Variants in NISCH observed in about 807,000 individuals in gnomAD.
NISCH encodes I-1 receptor candidate protein.
NISCH carries 55 observed loss-of-function variants against 138.4 expected under a neutral mutation model. The ratio of observed to expected loss-of-function variants is 0.40; its 90% CI spans 0.32 to 0.50. NISCH has a LOEUF of 0.50. NISCH is among the 20% of genes least tolerant of loss of function. The pLI is 0.71. For synonymous variants in NISCH, 860 were observed against 861.5 expected (o/e 1.00, Z 0.03); for missense variants, 1,643 against 2,005.5 (o/e 0.82, Z 3.45).
At chr3:52,477,970 T>A in intron 9 of NISCH, 127 bp from the exon 10 acceptor site, 1 of 972,396 alleles carries the variant, frequency 1.0e-6, no homozygotes, top group South Asian at 1.5e-5. Flanking sequence ...CTTCCTAAAA[T>A]AACTGTCAGA....
chr3:52,481,245 A>C, intron 13 of NISCH: 2 of 1,088,588 alleles, frequency 1.8e-6, no homozygotes, highest in Non-Finnish European at 2.2e-6. Flanking sequence ...GTGGTGCAGA[A>C]TGCTCAGCAG....
At chr3:52,471,782 G>C in intron 4 of NISCH, 32 bp from the exon 5 acceptor site, 1 of 1,613,310 alleles carries the variant, frequency 6.2e-7, no homozygotes, top group Non-Finnish European at 8.5e-7. Context: ...GCTGCGGCTG[G>C]ACACTTATCC....
rs376434708 is a variant in NISCH, at chr3:52,472,291, C to T, written c.574-12C>T. Reference sequence around the variant, plus strand: ...ACACTGTTCCCAATTTAAGCCTTATCTTTGGCTTCAGGTTTCTGGCACAGA... The same window carrying T: ...ACACTGTTCCCAATTTAAGCCTTATTTTTGGCTTCAGGTTTCTGGCACAGA... On this transcript the variant is annotated splice_polypyrimidine_tract_variant and intron_variant, in intron 5 of 20. Coordinates refer to ENST00000345716, the MANE Select transcript of NISCH (RefSeq NM_007184.4). 5 of 1,613,304 alleles carry T rather than the reference C, an allele frequency of 3.1e-6. No individual in the cohort carries two copies. The highest frequency in any genetic ancestry group is 4.2e-6 in the Non-Finnish European group (5 of 1,179,338).
At chr3:52,471,615 T>G in intron 4 of NISCH, 199 bp from the exon 5 acceptor site, 1 of 608,016 alleles carries the variant, frequency 1.6e-6, no homozygotes, top group South Asian at 2.0e-5. Context: ...TGCCCTCCTC[T>G]GTCATCACAT....
At position 52,479,757 on chromosome 3, in the gene NISCH, G is replaced by T; in HGVS notation, c.1311G>T (p.Leu437=). 2 of 1,612,412 alleles carry T rather than the reference G, an allele frequency of 1.2e-6. No homozygotes were observed. The highest frequency in any genetic ancestry group is 1.7e-6 in the Non-Finnish European group (2 of 1,179,146). Residue 437 remains leucine, a synonymous_variant, in exon 12 of 21, where the codon CTG becomes CTT. Transcript: ENST00000345716. ...CTTTCTGGATGCTCTAGGTCTGTCT[G>T]GATGACACAGTGACCACAGAGAAGG... ...QFGERASEVC[L]DDTVTTEKEL...
intron 19 of NISCH, 73 bp from the exon 20 acceptor site, chr3:52,491,277 CGG>C: frequency 6.6e-7 from 1 of 1,524,312 alleles, no homozygotes; most frequent in Non-Finnish European, 8.8e-7. Context: ...GCTAGGGACT[CGG>C]GGTGGCTCTA....
At chr3:52,476,996 C>T (rs1707114850) in intron 8 of NISCH, among the ~76,000 whole-genome samples, 1 of 152,110 alleles carries the variant, frequency 6.6e-6, no homozygotes. Flanking sequence ...GATAGGGCCA[C>T]TGCATTCCAG....
At chr3:52,477,706 GA>G in intron 9 of NISCH, 64 bp downstream of exon 9, 1 of 1,383,820 alleles carries the variant, frequency 7.2e-7, no homozygotes, top group Non-Finnish European at 1.0e-6. Context: ...GAGATTTCAG[GA>G]GACTGACGCA....
At chr3:52,464,291 G>A (rs1181554076) in intron 3 of NISCH, among the ~76,000 whole-genome samples, 1 of 151,534 alleles carries the variant, frequency 6.6e-6, no homozygotes, top group African/African-American at 2.4e-5. Context: ...TCAGCTCCTC[G>A]GGAGGCTGAC....
At chr3:52,490,432 A>C (rs1707531713) in intron 18 of NISCH, among the ~76,000 whole-genome samples, 1 of 152,168 alleles carries the variant, frequency 6.6e-6, no homozygotes, top group South Asian at 2.1e-4. Flanking sequence ...GAATGCACTG[A>C]GCCAGGGCCT....
chr3:52,492,418 C>G lies in NISCH; in HGVS notation c.4451C>G (p.Ser1484Trp), dbSNP rs1158599235. ...PSAESREKLI[S>W]LLARQWEALC... ...GCTGAGAGCAGAGAGAAGCTCATCT[C>G]GCTGTTGGCTCGCCAGTGGGAGGCC... Residue 1484 changes from serine to tryptophan, a missense_variant, in exon 21 of 21, where the codon TCG becomes TGG. Physicochemically the swap from Ser to Trp is radical, Grantham distance 177. Coordinates refer to ENST00000345716, the MANE Select transcript of NISCH (RefSeq NM_007184.4). 6.2e-7 allele frequency: 1 copy of G among 1,612,602 alleles called. No homozygotes were observed. Among genetic ancestry groups the G allele is most frequent in the South Asian group, 1.1e-5 (1 of 91,078 alleles).
chr3:52,481,482 GA>G lies in NISCH; in HGVS notation c.1528+1188del, dbSNP rs1460111850. The G allele has an allele frequency of 3.0e-6, 3 of 985,474 alleles. No individual in the cohort carries two copies. The East Asian group carries it at 3.4e-4, about 112-fold the overall frequency. The allele number at this position is 985,474 out of a possible 1,614,324, so 61.0% of individuals were successfully genotyped here. ...TGCATTTTATTACATAAAAGCCAGG[GA>G]GGTTATATCACGGTGAGAAAGCTTC... On this transcript the variant is annotated intron_variant, in intron 13 of 20. Transcript: ENST00000345716.
chr3:52,464,047 A>G (rs941374848), intron 3 of NISCH, among the ~76,000 whole-genome samples: 1 of 151,514 alleles, frequency 6.6e-6, no homozygotes, highest in African/African-American at 2.4e-5. Context: ...TTCATATGAT[A>G]TTTGGCCATT....
intron 3 of NISCH, among the ~76,000 whole-genome samples, chr3:52,464,588 G>T (rs967027933): frequency 1.5e-5 from 2 of 134,298 alleles, no homozygotes; most frequent in South Asian, 4.7e-4. Flanking sequence ...ATAGTGGCGT[G>T]ATCTCGACTC....
In NISCH at chr3:52,470,898, T is replaced by G. The variant is rs1706926001; in HGVS notation, c.400T>G (p.Phe134Val). ...GITAALAEEL[F>V]EKGEQLLGAG... is the part of the protein sequence containing the mutation. ...CACCGCGGCACTGGCTGAAGAGCTC[T>G]TTGAGAAAGGTATGTGGCCACATGT... The change falls in exon 4 of 21, where the codon TTT (phenylalanine) becomes GTT (valine). Residue 134 changes from phenylalanine to valine, a missense_variant. Coordinates refer to ENST00000345716, the MANE Select transcript of NISCH (RefSeq NM_007184.4). 1 of 1,614,000 alleles carries G rather than the reference T, an allele frequency of 6.2e-7. No individual in the cohort carries two copies. The highest frequency in any genetic ancestry group is 8.5e-7 in the Non-Finnish European group (1 of 1,180,024).
In NISCH at chr3:52,470,891, A is replaced by C; in HGVS notation, c.393A>C (p.Glu131Asp). ...ATGGCATCACCGCGGCACTGGCTGA[A>C]GAGCTCTTTGAGAAAGGTATGTGGC... ...EINGITAALA[E>D]ELFEKGEQLL... The change falls in exon 4 of 21, where the codon GAA becomes GAC. Residue 131 changes from glutamate (E) to aspartate (D), a missense_variant. Coordinates refer to ENST00000345716, the MANE Select transcript of NISCH (RefSeq NM_007184.4). 1 of 1,614,168 alleles carries C rather than the reference A, an allele frequency of 6.2e-7. No homozygotes were observed. The highest frequency in any genetic ancestry group is 8.5e-7 in the Non-Finnish European group (1 of 1,180,028).
At position 52,487,400 on chromosome 3, in the gene NISCH, CGAG is replaced by C. The variant is rs764367810; in HGVS notation, c.1917_1919del (p.Glu639del). On this transcript the variant is annotated inframe_deletion, in exon 16 of 21. Transcript: ENST00000345716. The surrounding 1 kb of genome is among the most constrained non-coding windows in gnomAD (Gnocchi z 9.1). ...GGGAGGAGGGCCAGGGTGAACAGGG[CGAG>C]GAGGAGGATGAGGAGGAGGAAGAAG... 15 of 1,612,962 alleles carry C rather than the reference CGAG, an allele frequency of 9.3e-6. No homozygotes were observed. In the South Asian group the frequency reaches 1.2e-4, roughly 13 times the overall value.
intron 13 of NISCH, 51 bp from the exon 14 acceptor site, chr3:52,484,462 T>TGGGCCGCCC: frequency 2.5e-6 from 2 of 788,670 alleles, no homozygotes; most frequent in South Asian, 2.1e-5. Flanking sequence ...ACAGCCGCTC[T>TGGGCCGCCC]CCCCGCCCCA....
intron 1 of NISCH, among the ~76,000 whole-genome samples, chr3:52,456,357 GCC>G (rs1207447482): frequency 6.6e-6 from 1 of 152,122 alleles, no homozygotes; most frequent in Non-Finnish European, 1.5e-5. Flanking sequence ...TAAAGCGCAG[GCC>G]CTATAAGCCT....
Sources: allele counts gnomAD v4.1 joint callset (sites outside exome capture counted in the v4.1 genomes callset), GRCh38; gene constraint gnomAD v4.1.1; non-coding constraint Gnocchi (gnomAD v3.1); transcripts MANE v1.5; gene names NCBI Gene and HGNC (gene_info 2026-07-23, HGNC 2026-07-21).